Variants in TMEM135 observed in about 807,000 individuals in gnomAD.
The protein encoded by TMEM135 is transmembrane protein 135.
TMEM135 carries 30 observed loss-of-function variants against 60.3 expected under a neutral mutation model. The observed-to-expected ratio is 0.50, with a 90% CI of 0.37 to 0.68. The LOEUF is 0.68. Ranked by LOEUF, TMEM135 falls within the 30% of genes least tolerant of loss-of-function variation. The probability of loss-of-function intolerance (pLI) is 0.00; values close to 1 mark genes in which losing one functional copy is unlikely to be tolerated. For synonymous variants in TMEM135, 190 were observed against 186.7 expected, an observed-to-expected ratio of 1.02 and a Z score of -0.14; for missense variants, 468 against 548.8, an observed-to-expected ratio of 0.85 and a Z score of 1.47.
intron 12 of TMEM135, among the ~76,000 whole-genome samples, chr11:87,314,886 A>G (rs1942700667): frequency 6.6e-6 from 1 of 151,862 alleles, no homozygotes; most frequent in South Asian, 2.1e-4. Context: ...CATCCTTAAA[A>G]AAATTTCAGC....
rs569013817 is a variant in TMEM135, at chr11:87,317,682, G to GT, written c.1078-453dup. ...GGTTAGGTACTGAAGATCATGCAAA[G>GT]TTGAAGAAGAGAAGGCTGTTGCCAC... is the stretch of plus-strand genomic sequence containing the variant. On this transcript the variant is annotated intron_variant, in intron 12 of 14. Coordinates refer to ENST00000305494, the MANE Select transcript of TMEM135 (RefSeq NM_022918.4). Among the ~76,000 whole-genome samples the GT allele has an allele frequency of 1.2e-3, 185 of 152,260 alleles. 1 individual carries two copies. Among genetic ancestry groups the GT allele is most frequent in the African/African-American group, 4.2e-3 (174 of 41,572 alleles).
intron 5 of TMEM135, among the ~76,000 whole-genome samples, chr11:87,218,006 C>T (rs1267277697): frequency 3.3e-5 from 5 of 152,024 alleles, no homozygotes; most frequent in Admixed American, 3.3e-4. Context: ...TCTTCTAGGG[C>T]AGTAATTCCA....
intron 4 of TMEM135, among the ~76,000 whole-genome samples, chr11:87,092,860 A>AT (rs906098408): frequency 1.6e-4 from 9 of 55,042 alleles, no homozygotes; most frequent in South Asian, 5.2e-4. Flanking sequence ...TTTTTCTCAA[A>AT]TTTTTTTTTA....
At chr11:87,127,895 G>A (rs1020200626) in intron 4 of TMEM135, among the ~76,000 whole-genome samples, 2 of 152,066 alleles carry the variant, frequency 1.3e-5, no homozygotes, top group African/African-American at 2.4e-5. Flanking sequence ...AATGCTGAAT[G>A]TCCAGCAGAA....
At chr11:87,152,729 G>A (rs1037886011) in intron 4 of TMEM135, among the ~76,000 whole-genome samples, 1 of 152,156 alleles carries the variant, frequency 6.6e-6, no homozygotes, top group African/African-American at 2.4e-5. Flanking sequence ...ATGAGCCACC[G>A]CATCCGGCCC....
chr11:87,100,705 T>C (rs1259838771), intron 4 of TMEM135, among the ~76,000 whole-genome samples: 1 of 152,072 alleles, frequency 6.6e-6, no homozygotes, highest in Non-Finnish European at 1.5e-5. Flanking sequence ...CTACTAAAAA[T>C]ACAAAAATTA....
At chr11:87,186,794 G>C (rs1939665647) in intron 5 of TMEM135, among the ~76,000 whole-genome samples, 1 of 152,074 alleles carries the variant, frequency 6.6e-6, no homozygotes, top group Admixed American at 6.6e-5. Context: ...AGAGTCACCT[G>C]ATTTATGGCC....
chr11:87,160,959 G>A (rs1938855218), intron 5 of TMEM135, among the ~76,000 whole-genome samples: 1 of 152,156 alleles, frequency 6.6e-6, no homozygotes, highest in Non-Finnish European at 1.5e-5. Context: ...GGGTGCAGTG[G>A]TGCAATCTAG....
intron 2 of TMEM135, among the ~76,000 whole-genome samples, chr11:87,069,325 A>G: frequency 6.7e-6 from 1 of 148,418 alleles, no homozygotes; most frequent in Non-Finnish European, 1.5e-5. Flanking sequence ...GAAAGTTTCT[A>G]TGATTAGGTT....
intron 4 of TMEM135, among the ~76,000 whole-genome samples, chr11:87,100,664 C>T (rs1426390278): frequency 6.6e-6 from 1 of 152,146 alleles, no homozygotes; most frequent in Non-Finnish European, 1.5e-5. Flanking sequence ...GAGTTCGAGA[C>T]CAGCCTGGCC....
intron 5 of TMEM135, among the ~76,000 whole-genome samples, chr11:87,199,666 A>G (rs746501170): frequency 9.2e-5 from 14 of 152,180 alleles, no homozygotes; most frequent in Non-Finnish European, 1.9e-4. Flanking sequence ...GCGGTGGCTC[A>G]TGCCTGTAAT....
intron 6 of TMEM135, among the ~76,000 whole-genome samples, chr11:87,279,931 T>A (rs139436561): frequency 4.7e-4 from 71 of 152,356 alleles, no homozygotes; most frequent in African/African-American, 1.6e-3. Context: ...CTTTATTATG[T>A]GGAGGCATCA....
intron 5 of TMEM135, among the ~76,000 whole-genome samples, chr11:87,230,303 A>G (rs978093355): frequency 2.6e-5 from 4 of 152,102 alleles, no homozygotes; most frequent in African/African-American, 9.7e-5. Flanking sequence ...ACTGATATTA[A>G]TTTTTGAATT....
In TMEM135 at chr11:87,323,462, C is replaced by A. The variant is rs1180046943; in HGVS notation, c.*2129C>A. The A allele has an allele frequency of 2.2e-6, 1 of 453,954 alleles. No homozygotes were observed. Among genetic ancestry groups the A allele is most frequent in the African/African-American group, 2.0e-5 (1 of 50,092 alleles). The allele number at this position is 453,954 out of a possible 1,614,324, so 28.1% of individuals were successfully genotyped here. On this transcript the variant is annotated 3_prime_UTR_variant, in exon 15 of 15. Transcript: ENST00000305494. The stretch of plus-strand genomic sequence containing the variant: ...AGAATGATTACCTTTCTACCTCTAA[C>A]TAATCAGGTATTGATTGACAACTTT...
Position 87,047,258 on chromosome 11 carries a change from A to G in TMEM135, c.141+9072A>G, listed in dbSNP as rs921238124. On this transcript the variant is annotated intron_variant, in intron 1 of 14. Transcript: ENST00000305494. Reference sequence around the variant, plus strand: ...GAGAGCTCTTGATTTTCTGGGGAATATCTTAAATTGTACAACAGCCAGATT... The same window carrying G: ...GAGAGCTCTTGATTTTCTGGGGAATGTCTTAAATTGTACAACAGCCAGATT... Among the ~76,000 whole-genome samples the G allele has an allele frequency of 6.6e-5, 10 of 152,198 alleles. 1 individual carries two copies. The highest frequency in any genetic ancestry group is 1.2e-4 in the Non-Finnish European group (8 of 68,028).
At chr11:87,288,056 C>G (rs1028717225) in intron 6 of TMEM135, among the ~76,000 whole-genome samples, 1 of 152,098 alleles carries the variant, frequency 6.6e-6, no homozygotes, top group Admixed American at 6.6e-5. Context: ...GTTATATTTT[C>G]CTGCATGCCT....
At chr11:87,055,994 G>A (rs926127931) in intron 1 of TMEM135, among the ~76,000 whole-genome samples, 4 of 152,132 alleles carry the variant, frequency 2.6e-5, no homozygotes, top group African/African-American at 9.7e-5. Flanking sequence ...AGACAGAGTA[G>A]GATGTTCCTC....
chr11:87,219,978 A>G (rs1453673094), intron 5 of TMEM135, among the ~76,000 whole-genome samples: 1 of 152,216 alleles, frequency 6.6e-6, no homozygotes, highest in African/African-American at 2.4e-5. Context: ...GATAGGTCTC[A>G]ATAAAAAAGC....
rs995740858 is a variant in TMEM135 at position 87,111,386 on chromosome 11, G to A, written c.396+19991G>A. On this transcript the variant is annotated intron_variant, in intron 4 of 14. Transcript: ENST00000305494. Reference sequence around the variant, plus strand: ...TTCCTAGCCTGGCGCTGTGGCTCACGCCTGTAATCCCAGCACTTTGGGAGG... The same window carrying A: ...TTCCTAGCCTGGCGCTGTGGCTCACACCTGTAATCCCAGCACTTTGGGAGG... 3.9e-5 allele frequency among the ~76,000 whole-genome samples: 6 copies of A among 152,060 alleles called. No homozygotes were observed. The East Asian group carries it at 5.8e-4, about 15-fold the overall frequency.
Sources: allele counts gnomAD v4.1 joint callset (sites outside exome capture counted in the v4.1 genomes callset), GRCh38; gene constraint gnomAD v4.1.1; transcripts MANE v1.5; gene names NCBI Gene and HGNC (gene_info 2026-07-23, HGNC 2026-07-21).